Variants in SNX29 observed in about 807,000 individuals in gnomAD.
The protein encoded by SNX29 is sorting nexin 29.
Under a neutral mutation model 102.1 loss-of-function variants are expected in SNX29, and 78 were observed. That is an observed-to-expected ratio of 0.76 (90% CI 0.64 to 0.92). The LOEUF is 0.92. Ranked by LOEUF, SNX29 falls within the 40% of genes least tolerant of loss-of-function variation. SNX29 has a pLI of 0.00. For synonymous variants in SNX29, 580 were observed against 414.5 expected, an observed-to-expected ratio of 1.40 and a Z score of -4.85; for missense variants, 1,280 against 1,061.7, an observed-to-expected ratio of 1.21 and a Z score of -2.86.
chr16:12,526,145 G>A (rs935381503), intron 20 of SNX29, among the ~76,000 whole-genome samples: 3 of 152,176 alleles, frequency 2.0e-5, no homozygotes, highest in Admixed American at 6.5e-5. Flanking sequence ...GTTCTGGGTC[G>A]GTGTGATTTG....
intron 13 of SNX29, among the ~76,000 whole-genome samples, chr16:12,180,306 T>A (rs1287390186): frequency 1.3e-5 from 2 of 152,230 alleles, no homozygotes; most frequent in Non-Finnish European, 2.9e-5. Flanking sequence ...ATTTTTCTGG[T>A]TCTGGCGTAC....
At chr16:12,421,853 A>G (rs1056174153) in intron 18 of SNX29, among the ~76,000 whole-genome samples, 10 of 150,880 alleles carry the variant, frequency 6.6e-5, no homozygotes, top group African/African-American at 1.5e-4. Flanking sequence ...ATCACCAGCC[A>G]TCCATCACCA....
chr16:12,287,363 G>T (rs1400893733), intron 15 of SNX29, among the ~76,000 whole-genome samples: 1 of 152,194 alleles, frequency 6.6e-6, no homozygotes, highest in Non-Finnish European at 1.5e-5. Context: ...GTATCTCACA[G>T]GTGTCTCTCT....
In SNX29 at chr16:12,530,526, C is replaced by A. The variant is rs140484874; in HGVS notation, c.2318+5685C>A. Among the ~76,000 whole-genome samples, 757 of 150,988 alleles carry A rather than the reference C, an allele frequency of 5.0e-3. 2 individuals carry two copies. Among genetic ancestry groups the A allele is most frequent in the Non-Finnish European group, 7.1e-3 (485 of 67,914 alleles). On this transcript the variant is annotated intron_variant, in intron 20 of 20. Coordinates refer to ENST00000566228, the MANE Select transcript of SNX29 (RefSeq NM_032167.5). ...TAAGTCAAATAGAAACTCCACTGTT[C>A]TGAAATTTGCCTTCGTTTTTTTTTT...
intron 15 of SNX29, among the ~76,000 whole-genome samples, chr16:12,314,513 A>T (rs958620420): frequency 5.3e-5 from 8 of 152,240 alleles, no homozygotes; most frequent in Non-Finnish European, 8.8e-5. Context: ...CATCTGTAAC[A>T]TGAAGGTCTT....
At chr16:12,554,325 C>A (rs555197704) in intron 20 of SNX29, among the ~76,000 whole-genome samples, 1 of 152,124 alleles carries the variant, frequency 6.6e-6, no homozygotes, top group African/African-American at 2.4e-5. Context: ...TAAAATGGGA[C>A]CAGATGTCTT....
At chr16:12,386,464 C>G (rs1462447860) in intron 16 of SNX29, among the ~76,000 whole-genome samples, 1 of 152,092 alleles carries the variant, frequency 6.6e-6, no homozygotes, top group Non-Finnish European at 1.5e-5. Context: ...AGGCAATTCG[C>G]AATGTGAACT....
At chr16:12,340,165 C>T (rs1035039701) in intron 15 of SNX29, among the ~76,000 whole-genome samples, 1 of 152,188 alleles carries the variant, frequency 6.6e-6, no homozygotes, top group South Asian at 2.1e-4. Context: ...TTTTCATCAT[C>T]GTCATCTTCT....
At chr16:12,067,860 T>G (rs532318471) in intron 9 of SNX29, among the ~76,000 whole-genome samples, 33 of 152,164 alleles carry the variant, frequency 2.2e-4, no homozygotes, top group Non-Finnish European at 4.6e-4. Context: ...AGCCCAAGGC[T>G]TATGGATTTG....
rs575565518 is a variant in SNX29, at chr16:12,238,218, C to A, written c.1678+38535C>A. The stretch of plus-strand genomic sequence containing the variant: ...TGTAACAGTTGTAAAAAAAAAATAC[C>A]CAGAACCTTATTTGTGAAAGGGAGG... On this transcript the variant is annotated intron_variant, in intron 14 of 20. Coordinates refer to ENST00000566228, the MANE Select transcript of SNX29 (RefSeq NM_032167.5). 7.2e-5 allele frequency among the ~76,000 whole-genome samples: 11 copies of A among 151,856 alleles called. No individual in the cohort carries two copies. The South Asian group carries it at 1.0e-3, about 14-fold the overall frequency.
At chr16:12,510,080 C>T (rs1055733812) in intron 19 of SNX29, among the ~76,000 whole-genome samples, 9 of 152,274 alleles carry the variant, frequency 5.9e-5, no homozygotes, top group African/African-American at 2.2e-4. Flanking sequence ...TCCCTGCACT[C>T]TGCCTCCGGG....
intron 13 of SNX29, among the ~76,000 whole-genome samples, chr16:12,179,008 C>T (rs1567282710): frequency 1.3e-5 from 2 of 152,056 alleles, no homozygotes. Context: ...TATAAAATAG[C>T]ATAAATAAAT....
At chr16:12,237,246 C>T (rs935792427) in intron 14 of SNX29, among the ~76,000 whole-genome samples, 3 of 152,190 alleles carry the variant, frequency 2.0e-5, no homozygotes, top group Non-Finnish European at 4.4e-5. Flanking sequence ...GTTTCTGAAG[C>T]CCAGCGGTGT....
chr16:12,529,251 C>T (rs1224206331), intron 20 of SNX29, among the ~76,000 whole-genome samples: 4 of 152,318 alleles, frequency 2.6e-5, no homozygotes, highest in Admixed American at 2.6e-4. Context: ...GTCTACTCCC[C>T]AAGACAAGGA....
At chr16:12,402,899 A>G (rs181331271) in intron 17 of SNX29, among the ~76,000 whole-genome samples, 1 of 152,076 alleles carries the variant, frequency 6.6e-6, no homozygotes. Flanking sequence ...TCCCATCCTA[A>G]ACAGCTGTCA....
intron 1 of SNX29, among the ~76,000 whole-genome samples, chr16:11,997,912 A>G (rs1365783912): frequency 6.6e-6 from 1 of 152,182 alleles, no homozygotes; most frequent in Non-Finnish European, 1.5e-5. Flanking sequence ...ACACACAATC[A>G]CTTGACTTCC....
At chr16:12,423,555 T>A (rs770915907) in intron 18 of SNX29, among the ~76,000 whole-genome samples, 13 of 152,056 alleles carry the variant, frequency 8.5e-5, no homozygotes, top group Non-Finnish European at 1.6e-4. Context: ...CCAAGTGCAT[T>A]TGGGACATGC....
Position 12,551,801 on chromosome 16 carries a change from A to C in SNX29, c.2319-16705A>C, listed in dbSNP as rs187938697. On this transcript the variant is annotated intron_variant, in intron 20 of 20. Transcript: ENST00000566228. ...CGCTTCAGAAGCACATGGGCATCAA[A>C]CTTCTGTATCCCCGCCTCAGTTTTG... 6.6e-5 allele frequency among the ~76,000 whole-genome samples: 10 copies of C among 152,292 alleles called. No individual in the cohort carries two copies. In the East Asian group the frequency reaches 1.5e-3, roughly 23 times the overall value.
At position 12,500,453 on chromosome 16, in the gene SNX29, G is replaced by A. The variant is rs553781826; in HGVS notation, c.2178+22594G>A. Among the ~76,000 whole-genome samples, 14 of 152,242 alleles carry A rather than the reference G, an allele frequency of 9.2e-5. No individual in the cohort carries two copies. The East Asian group carries it at 2.7e-3, about 29-fold the overall frequency. Reference sequence around the variant, plus strand: ...GGGCTGGGACTTCTGACAGGAGTCCGCCTCTCTGTAACCTCCACGGGCTCC... The same window carrying A: ...GGGCTGGGACTTCTGACAGGAGTCCACCTCTCTGTAACCTCCACGGGCTCC... On this transcript the variant is annotated intron_variant, in intron 19 of 20. Transcript: ENST00000566228.
Sources: gnomAD v4.1 joint callset for allele counts (sites outside exome capture counted in the v4.1 genomes callset) on GRCh38, gnomAD v4.1.1 for gene constraint, MANE v1.5 for transcripts, NCBI Gene and HGNC (gene_info 2026-07-23, HGNC 2026-07-21) for gene names.